PAK5: variants seen among roughly 807,000 people sequenced by gnomAD.
PAK5 encodes serine/threonine-protein kinase PAK 5.
A neutral mutation model predicts 65.9 loss-of-function variants in PAK5; 16 were observed. The observed-to-expected ratio is 0.24, with a 90% confidence interval of 0.16 to 0.37. PAK5 has a LOEUF of 0.37. Among genes scored for constraint, PAK5 ranks in the 10% least tolerant of loss-of-function variants. The pLI is 1.00. For synonymous variants in PAK5, 371 were observed against 354.9 expected (o/e 1.05, Z -0.51); for missense variants, 785 against 903.9 (o/e 0.87, Z 1.69).
rs78143890 is a variant in PAK5 at position 9,766,524 on chromosome 20, T to C, written c.-161-55089A>G. Among the ~76,000 whole-genome samples the C allele has an allele frequency of 4.9e-3, 54 of 10,968 alleles. 6 individuals are homozygous for C. The highest frequency in any genetic ancestry group is 0.083 in the Middle Eastern group (2 of 24). The allele number at this position is 10,968 out of a possible 152,430, so 7.2% of individuals were successfully genotyped here. On this transcript the variant is annotated intron_variant, in intron 1 of 9. Transcript: ENST00000353224. Reference sequence around the variant, plus strand: ...TATATATATATATATTCAAGCAGAATATATATATATATATATATATATATA... The same window carrying C: ...TATATATATATATATTCAAGCAGAACATATATATATATATATATATATATA...
intron 1 of PAK5, among the ~76,000 whole-genome samples, chr20:9,813,901 T>C (rs1370913751): frequency 5.3e-5 from 8 of 152,226 alleles, no homozygotes; most frequent in Admixed American, 5.2e-4. Flanking sequence ...AGCCTTAAAA[T>C]GTGTGTCCTT....
intron 1 of PAK5, among the ~76,000 whole-genome samples, chr20:9,725,338 C>T (rs1466181481): frequency 1.7e-5 from 2 of 114,970 alleles, no homozygotes; most frequent in Non-Finnish European, 3.9e-5. Flanking sequence ...ATTATTAAAA[C>T]AAGAGAGAAA....
At chr20:9,793,387 A>G (rs1403447421) in intron 1 of PAK5, among the ~76,000 whole-genome samples, 1 of 152,142 alleles carries the variant, frequency 6.6e-6, no homozygotes, top group African/African-American at 2.4e-5. Context: ...TACCTATACC[A>G]ATAGGTTACC....
intron 3 of PAK5, among the ~76,000 whole-genome samples, chr20:9,583,108 T>C (rs766817643): frequency 2.6e-5 from 4 of 152,206 alleles, no homozygotes; most frequent in Admixed American, 6.6e-5. Context: ...CTGGGTGTCA[T>C]TGCCAGGCCT....
intron 3 of PAK5, among the ~76,000 whole-genome samples, chr20:9,612,078 GC>G (rs1363005412): frequency 2.0e-5 from 3 of 152,064 alleles, no homozygotes; most frequent in Non-Finnish European, 2.9e-5. Context: ...AGGGTGTCTG[GC>G]CCCCCATGGA....
chr20:9,566,191 A>G lies in PAK5; in HGVS notation c.1184T>C (p.Ile395Thr), dbSNP rs2122998291. ...GGAGCTCAGGTAGGAAGCCGTGGAG[A>G]TGTACTGCGAACTGCTCTGCAGGGA... is the stretch of plus-strand genomic sequence containing the variant. ...HPSLQSSSQY[I>T]STASYLSSLS... Residue 395 changes from isoleucine (I) to threonine (T), a missense_variant, in exon 5 of 10, where the codon ATC becomes ACC. This residue lies in a region of PAK5 where 422 missense variants were observed against 413.3 expected (regional missense o/e 1.02). Transcript: ENST00000353224. The G allele has an allele frequency of 1.2e-6, 2 of 1,613,686 alleles. No homozygotes were observed. Among genetic ancestry groups the G allele is most frequent in the East Asian group, 2.2e-5 (1 of 44,828 alleles).
chr20:9,623,495 A>AT (rs2046800166), intron 3 of PAK5, among the ~76,000 whole-genome samples: 1 of 152,236 alleles, frequency 6.6e-6, no homozygotes, highest in Admixed American at 6.5e-5. Context: ...CTAAATATAA[A>AT]TGTACCAAAT....
At chr20:9,785,021 C>T (rs2048978402) in intron 1 of PAK5, among the ~76,000 whole-genome samples, 1 of 151,842 alleles carries the variant, frequency 6.6e-6, no homozygotes, top group Admixed American at 6.6e-5. Context: ...TCATATTATA[C>T]TAGATTCAAT....
At chr20:9,628,285 A>T (rs1159678950) in intron 3 of PAK5, among the ~76,000 whole-genome samples, 1 of 152,240 alleles carries the variant, frequency 6.6e-6, no homozygotes, top group Non-Finnish European at 1.5e-5. Context: ...GCACTAGGTC[A>T]TATAGCTGGA....
At chr20:9,745,482 G>A (rs1378688538) in intron 1 of PAK5, among the ~76,000 whole-genome samples, 2 of 152,034 alleles carry the variant, frequency 1.3e-5, no homozygotes, top group Non-Finnish European at 2.9e-5. Context: ...GCAAATAATA[G>A]GTGGTCAATT....
At chr20:9,834,917 C>A (rs959220969) in intron 1 of PAK5, among the ~76,000 whole-genome samples, 2 of 152,106 alleles carry the variant, frequency 1.3e-5, no homozygotes, top group African/African-American at 4.8e-5. Context: ...TAAATATTTG[C>A]AGAATATTTA....
At chr20:9,613,815 G>C (rs939688133) in intron 3 of PAK5, among the ~76,000 whole-genome samples, 4 of 152,136 alleles carry the variant, frequency 2.6e-5, no homozygotes, top group Admixed American at 1.3e-4. Flanking sequence ...GCTCAAGACA[G>C]ACTGGGTCCT....
chr20:9,700,691 A>C (rs2047928301), intron 2 of PAK5, among the ~76,000 whole-genome samples: 1 of 152,132 alleles, frequency 6.6e-6, no homozygotes, highest in Non-Finnish European at 1.5e-5. Context: ...AAGCAAAAAT[A>C]CCTTAAGACA....
At chr20:9,720,394 T>A (rs1466406058) in intron 1 of PAK5, among the ~76,000 whole-genome samples, 1 of 152,220 alleles carries the variant, frequency 6.6e-6, no homozygotes, top group Admixed American at 6.5e-5. Context: ...ATGTATACTT[T>A]GAATGCACAG....
At chr20:9,627,981 G>A (rs2046870604) in intron 3 of PAK5, among the ~76,000 whole-genome samples, 1 of 152,128 alleles carries the variant, frequency 6.6e-6, no homozygotes, top group Non-Finnish European at 1.5e-5. Flanking sequence ...GGTTTAGAGA[G>A]TTACATATAA....
At chr20:9,784,808 GA>G (rs1032934426) in intron 1 of PAK5, among the ~76,000 whole-genome samples, 14 of 146,708 alleles carry the variant, frequency 9.5e-5, no homozygotes, top group African/African-American at 2.5e-4. Flanking sequence ...AGTAAAAAAA[GA>G]AAAAAAAAAC....
chr20:9,684,465 G>A (rs923719031), intron 2 of PAK5, among the ~76,000 whole-genome samples: 2 of 152,226 alleles, frequency 1.3e-5, no homozygotes, highest in Non-Finnish European at 2.9e-5. Flanking sequence ...AGGAAGGGCA[G>A]TATTCAAGGT....
intron 1 of PAK5, among the ~76,000 whole-genome samples, chr20:9,788,669 T>C (rs1360474184): frequency 6.6e-6 from 1 of 152,186 alleles, no homozygotes; most frequent in Non-Finnish European, 1.5e-5. Flanking sequence ...TGTTGTACTT[T>C]CATGTTTGTT....
intron 7 of PAK5, among the ~76,000 whole-genome samples, chr20:9,544,703 C>T (rs1216843909): frequency 6.6e-6 from 1 of 152,170 alleles, no homozygotes; most frequent in African/African-American, 2.4e-5. Flanking sequence ...CCAGGATCAA[C>T]TTCCAAATGT....
Sources: gnomAD v4.1 joint callset for allele counts (sites outside exome capture counted in the v4.1 genomes callset) on GRCh38, gnomAD v4.1.1 for gene constraint, gnomAD v4.1.1 regional missense constraint, MANE v1.5 for transcripts, NCBI Gene and HGNC (gene_info 2026-07-23, HGNC 2026-07-21) for gene names.